DNER: variants seen among roughly 807,000 people sequenced by gnomAD.
The protein encoded by DNER is delta and Notch-like epidermal growth factor-related receptor.
Under a neutral mutation model 78.2 loss-of-function variants are expected in DNER, and 33 were observed. The ratio of observed to expected loss-of-function variants is 0.42; its 90% CI spans 0.32 to 0.56. DNER has a LOEUF of 0.56. Among genes scored for constraint, DNER ranks in the 20% least tolerant of loss-of-function variants. The probability of loss-of-function intolerance (pLI) is 0.11; values close to 1 mark genes in which losing one functional copy is unlikely to be tolerated. For synonymous variants in DNER, 417 were observed against 384.8 expected, an observed-to-expected ratio of 1.08 and a Z score of -0.98; for missense variants, 918 against 975.3, an observed-to-expected ratio of 0.94 and a Z score of 0.78.
chr2:229,609,620 TTGCTAACCCC>T (rs1338894247), intron 1 of DNER, among the ~76,000 whole-genome samples: 1 of 152,098 alleles, frequency 6.6e-6, no homozygotes, highest in Admixed American at 6.6e-5. Context: ...CAGAAAAAGT[TTGCTAACCCC>T]TGCACTAGGC....
At chr2:229,643,989 C>G (rs1175876112) in intron 1 of DNER, among the ~76,000 whole-genome samples, 1 of 152,054 alleles carries the variant, frequency 6.6e-6, no homozygotes, top group Admixed American at 6.6e-5. Context: ...TGCTTTGCAC[C>G]AAGCAGACAC....
chr2:229,571,331 A>G (rs1319604067), intron 4 of DNER, among the ~76,000 whole-genome samples: 1 of 152,024 alleles, frequency 6.6e-6, no homozygotes, highest in Non-Finnish European at 1.5e-5. Context: ...TGCTGCTAAA[A>G]TCTCAAACCT....
At chr2:229,584,003 G>A (rs1350463249) in intron 4 of DNER, among the ~76,000 whole-genome samples, 1 of 152,194 alleles carries the variant, frequency 6.6e-6, no homozygotes, top group African/African-American at 2.4e-5. Context: ...CTCATCAGAA[G>A]AGGGTCAGTC....
intron 4 of DNER, among the ~76,000 whole-genome samples, chr2:229,548,225 T>A (rs924618578): frequency 1.8e-4 from 27 of 152,256 alleles, no homozygotes; most frequent in Middle Eastern, 3.4e-3. Context: ...AAGAGTAGGT[T>A]TGGATCCCTC....
intron 6 of DNER, among the ~76,000 whole-genome samples, chr2:229,489,643 G>A (rs1403788140): frequency 6.6e-6 from 1 of 152,008 alleles, no homozygotes; most frequent in African/African-American, 2.4e-5. Flanking sequence ...GGGTCTGGAA[G>A]CCATCCACCT....
intron 7 of DNER, among the ~76,000 whole-genome samples, chr2:229,468,845 C>A (rs1694861092): frequency 6.6e-6 from 1 of 152,080 alleles, no homozygotes; most frequent in African/African-American, 2.4e-5. Context: ...GGCAGGAAGA[C>A]AGCCAAAGAA....
intron 5 of DNER, among the ~76,000 whole-genome samples, chr2:229,533,428 C>T (rs1013443007): frequency 2.0e-5 from 3 of 152,082 alleles, no homozygotes; most frequent in Admixed American, 6.5e-5. Context: ...GGCTTTGAAG[C>T]GGTAGACTGG....
intron 1 of DNER, among the ~76,000 whole-genome samples, chr2:229,704,663 G>C (rs1699797907): frequency 6.6e-6 from 1 of 152,140 alleles, no homozygotes; most frequent in Non-Finnish European, 1.5e-5. Flanking sequence ...CAGGGACTGG[G>C]GCCGGGGAGA....
chr2:229,576,060 T>A (rs1032248941), intron 4 of DNER, among the ~76,000 whole-genome samples: 1 of 152,128 alleles, frequency 6.6e-6, no homozygotes, highest in Non-Finnish European at 1.5e-5. Flanking sequence ...CATTGGAACA[T>A]TCCAATGGTT....
chr2:229,397,739 C>T (rs971783530), intron 10 of DNER, among the ~76,000 whole-genome samples: 6 of 151,996 alleles, frequency 3.9e-5, no homozygotes, highest in Non-Finnish European at 8.8e-5. Flanking sequence ...AACCTCAAAA[C>T]ACTTGAAAAA....
At chr2:229,589,691 T>C (rs1399299376) in intron 2 of DNER, among the ~76,000 whole-genome samples, 1 of 152,086 alleles carries the variant, frequency 6.6e-6, no homozygotes, top group Non-Finnish European at 1.5e-5. Context: ...AAATGGCTGG[T>C]TAGGGAGAAA....
intron 1 of DNER, among the ~76,000 whole-genome samples, chr2:229,630,398 C>A (rs1698412221): frequency 6.6e-6 from 1 of 151,698 alleles, no homozygotes; most frequent in Admixed American, 6.6e-5. Flanking sequence ...ATTGCTTGAA[C>A]CCGGAAGGCA....
intron 11 of DNER, among the ~76,000 whole-genome samples, chr2:229,373,250 CAA>C (rs952040125): frequency 2.3e-4 from 35 of 152,178 alleles, no homozygotes; most frequent in African/African-American, 8.2e-4. Context: ...ATTGAACAAA[CAA>C]AAACCAAATA....
At chr2:229,394,139 G>C (rs540662105) in intron 10 of DNER, among the ~76,000 whole-genome samples, 1 of 152,118 alleles carries the variant, frequency 6.6e-6, no homozygotes, top group East Asian at 1.9e-4. Flanking sequence ...ATTAACCCCA[G>C]TTCCAGGAAT....
chr2:229,607,525 A>T (rs1383120619), intron 1 of DNER, among the ~76,000 whole-genome samples: 1 of 152,210 alleles, frequency 6.6e-6, no homozygotes, highest in East Asian at 1.9e-4. Context: ...TGACTTATCA[A>T]ATTGATCTAA....
intron 10 of DNER, among the ~76,000 whole-genome samples, chr2:229,390,844 T>C (rs183391557): frequency 2.3e-4 from 35 of 152,388 alleles, no homozygotes; most frequent in Middle Eastern, 3.4e-3. Context: ...TTTAGGTTTA[T>C]TCTAATGGCC....
At chr2:229,638,692 A>C (rs1217143843) in intron 1 of DNER, among the ~76,000 whole-genome samples, 2 of 152,242 alleles carry the variant, frequency 1.3e-5, no homozygotes, top group Non-Finnish European at 2.9e-5. Context: ...GATCAAGTGC[A>C]GGACTCATTT....
chr2:229,634,916 C>T (rs896433347), intron 1 of DNER, among the ~76,000 whole-genome samples: 4 of 152,190 alleles, frequency 2.6e-5, no homozygotes, highest in Admixed American at 6.5e-5. Context: ...ATCCTTCTTC[C>T]GCGAGGTCTT....
intron 12 of DNER, among the ~76,000 whole-genome samples, chr2:229,365,089 C>T (rs1252640146): frequency 6.6e-6 from 1 of 152,072 alleles, no homozygotes; most frequent in East Asian, 1.9e-4. Flanking sequence ...CCCACTGTAA[C>T]CAGAATCTGA....
Sources: gnomAD v4.1 joint callset for allele counts (sites outside exome capture counted in the v4.1 genomes callset) on GRCh38, gnomAD v4.1.1 for gene constraint, MANE v1.5 for transcripts, NCBI Gene and HGNC (gene_info 2026-07-23, HGNC 2026-07-21) for gene names.